Variants in PARD3B observed in about 807,000 individuals in gnomAD.
PARD3B encodes the protein partitioning defective 3 homolog B.
Under a neutral mutation model 130.2 loss-of-function variants are expected in PARD3B, and 103 were observed. The observed-to-expected ratio is 0.79, with a 90% CI of 0.67 to 0.93. The LOEUF is 0.93. Among genes scored for constraint, PARD3B ranks in the 40% least tolerant of loss-of-function variants. The probability of loss-of-function intolerance (pLI) is 0.00; values close to 1 mark genes in which losing one functional copy is unlikely to be tolerated. For synonymous variants in PARD3B, 583 were observed against 553.2 expected (o/e 1.05, Z -0.76); for missense variants, 1,609 against 1,499.2 (o/e 1.07, Z -1.21).
rs2055443261 is a variant in PARD3B, at chr2:205,616,541, C to T, written c.*728C>T. ...GGAGGATGTGCACAGCTGGTCAGAGCTTCCAGAAGGAATATCTTCCGAGGA... is the reference window on the plus strand; with the variant it reads ...GGAGGATGTGCACAGCTGGTCAGAGTTTCCAGAAGGAATATCTTCCGAGGA... On this transcript the variant is annotated 3_prime_UTR_variant, in exon 23 of 23. Coordinates refer to ENST00000406610, the MANE Select transcript of PARD3B (RefSeq NM_001302769.2). 6.6e-6 allele frequency: 1 copy of T among 152,188 alleles called. No individual in the cohort carries two copies. The highest frequency in any genetic ancestry group is 1.5e-5 in the Non-Finnish European group (1 of 68,060). The allele number at this position is 152,188 out of a possible 1,614,324, so 9.4% of individuals were successfully genotyped here. A position where few individuals can be genotyped will look rare whatever the true frequency, so the allele number is the denominator to read the frequency against.
intron 3 of PARD3B, among the ~76,000 whole-genome samples, chr2:205,018,166 G>T (rs188099905): frequency 6.6e-6 from 1 of 152,074 alleles, no homozygotes; most frequent in South Asian, 2.1e-4. Context: ...TACCTTTAGC[G>T]TAATCTTTCC....
chr2:205,098,843 A>G (rs1462269802), intron 4 of PARD3B, among the ~76,000 whole-genome samples: 1 of 152,198 alleles, frequency 6.6e-6, no homozygotes, highest in Non-Finnish European at 1.5e-5. Context: ...GACTAATTAT[A>G]GAAGTGTTGA....
Position 205,300,590 on chromosome 2 carries a change from G to C in PARD3B, c.2246G>C (p.Ser749Thr). Residue 749 changes from serine to threonine, a missense_variant, in exon 17 of 23, where the codon AGT becomes ACT. Transcript: ENST00000406610. This position sits in a 1 kb window ranked among gnomAD's most constrained non-coding sequence, Gnocchi z 4.1. ...LGLKKSSSLE[S>T]LQTAVAEVRK... ...TTGAAAAAGTCCAGCTCCTTGGAGAGTCTGCAGACTGCAGTGGCCGAGGTC... is the reference window on the plus strand; with the variant it reads ...TTGAAAAAGTCCAGCTCCTTGGAGACTCTGCAGACTGCAGTGGCCGAGGTC... 1.9e-6 allele frequency: 3 copies of C among 1,613,934 alleles called. No homozygotes were observed. The highest frequency in any genetic ancestry group is 1.1e-5 in the South Asian group (1 of 91,072).
Position 205,474,839 on chromosome 2 carries a change from T to G in PARD3B, c.3045-25057T>G, listed in dbSNP as rs532803059. The stretch of plus-strand genomic sequence containing the variant: ...CTTCCTTTACCCTTTACTAATTTGA[T>G]TCATGAAAAATAGTACTGTATCATT... On this transcript the variant is annotated intron_variant, in intron 20 of 22. Transcript: ENST00000406610. 1.4e-4 allele frequency among the ~76,000 whole-genome samples: 21 copies of G among 152,280 alleles called. 1 individual carries two copies. In the South Asian group the frequency reaches 4.4e-3, roughly 32 times the overall value.
chr2:205,614,890 G>A lies in PARD3B; in HGVS notation c.3261-566G>A, dbSNP rs182364868. On this transcript the variant is annotated intron_variant, in intron 22 of 22. Coordinates refer to ENST00000406610, the MANE Select transcript of PARD3B (RefSeq NM_001302769.2). ...GAGCACCTCACAGATTTAGAAAAGC[G>A]AGTGCAGTCCATGGAAACTTTATGA... Among the ~76,000 whole-genome samples, 585 of 152,118 alleles carry A rather than the reference G, an allele frequency of 3.8e-3. 6 individuals carry two copies. The highest frequency in any genetic ancestry group is 7.0e-3 in the Non-Finnish European group (475 of 68,008).
chr2:204,699,792 G>T (rs978889072), intron 2 of PARD3B, among the ~76,000 whole-genome samples: 2 of 152,058 alleles, frequency 1.3e-5, no homozygotes, highest in African/African-American at 4.8e-5. Context: ...TGGAAATAAG[G>T]AAGTTAAGTA....
chr2:205,025,972 A>G (rs1430251080), intron 3 of PARD3B, among the ~76,000 whole-genome samples: 1 of 152,126 alleles, frequency 6.6e-6, no homozygotes, highest in African/African-American at 2.4e-5. Context: ...TCCTTTTTGA[A>G]CTTAACAAAC....
At chr2:204,598,009 T>C (rs2033367119) in intron 1 of PARD3B, among the ~76,000 whole-genome samples, 1 of 152,168 alleles carries the variant, frequency 6.6e-6, no homozygotes, top group Admixed American at 6.5e-5. Flanking sequence ...GTAAGAGCAT[T>C]TTGGAAACAT....
At chr2:205,480,531 A>G (rs1371940593) in intron 20 of PARD3B, among the ~76,000 whole-genome samples, 1 of 152,164 alleles carries the variant, frequency 6.6e-6, no homozygotes, top group African/African-American at 2.4e-5. Flanking sequence ...AGGACCTTAT[A>G]TATCTTGTAT....
chr2:205,504,403 T>C (rs1305059985), intron 21 of PARD3B, among the ~76,000 whole-genome samples: 3 of 152,026 alleles, frequency 2.0e-5, no homozygotes, highest in Admixed American at 2.0e-4. Context: ...GGGATCTAAT[T>C]AAACTAAAGA....
intron 5 of PARD3B, among the ~76,000 whole-genome samples, chr2:205,108,110 T>C (rs965504632): frequency 2.6e-5 from 4 of 152,204 alleles, no homozygotes; most frequent in Admixed American, 6.5e-5. Context: ...TCTCAAAATA[T>C]GTGGGACATT....
chr2:205,149,792 G>A (rs2033619180), intron 10 of PARD3B, among the ~76,000 whole-genome samples: 1 of 152,214 alleles, frequency 6.6e-6, no homozygotes, highest in Admixed American at 6.5e-5. Flanking sequence ...ATTCAGGGCA[G>A]TAGTTCTTAA....
intron 2 of PARD3B, among the ~76,000 whole-genome samples, chr2:204,743,657 TC>T (rs1044037115): frequency 6.6e-6 from 1 of 152,194 alleles, no homozygotes; most frequent in African/African-American, 2.4e-5. Context: ...TCCCATAGCT[TC>T]CTGAGTGGCC....
Position 205,615,842 on chromosome 2 carries a change from A to T in PARD3B, c.*29A>T, listed in dbSNP as rs910747357. 6.4e-7 allele frequency: 1 copy of T among 1,563,310 alleles called. No individual in the cohort carries two copies. Among genetic ancestry groups the T allele is most frequent in the African/African-American group, 1.4e-5 (1 of 73,362 alleles). On this transcript the variant is annotated 3_prime_UTR_variant, in exon 23 of 23. Coordinates refer to ENST00000406610, the MANE Select transcript of PARD3B (RefSeq NM_001302769.2). ...AGTGCCACCGAGGCCAGCCCGGTCC[A>T]GAAAGGAAGGTGTCTACTCTACCTT...
chr2:205,206,862 C>T (rs1241872377), intron 15 of PARD3B, among the ~76,000 whole-genome samples: 4 of 150,426 alleles, frequency 2.7e-5, no homozygotes, highest in African/African-American at 4.9e-5. Context: ...CTGCACCAAG[C>T]GGACCTAATA....
chr2:205,050,776 T>G (rs115289666), intron 4 of PARD3B, among the ~76,000 whole-genome samples: 2,435 of 152,162 alleles, frequency 0.016, 41 homozygotes, highest in Non-Finnish European at 0.027. Flanking sequence ...TTATTCTGTT[T>G]TATTGGACAG....
intron 15 of PARD3B, among the ~76,000 whole-genome samples, chr2:205,213,995 A>G (rs1235681420): frequency 6.6e-6 from 1 of 152,096 alleles, no homozygotes; most frequent in African/African-American, 2.4e-5. Context: ...GGTAAATTAG[A>G]TCAAATTGTT....
rs971820174 is a variant in PARD3B, at chr2:205,458,458, A to G, written c.3044+17786A>G. On this transcript the variant is annotated intron_variant, in intron 20 of 22. Coordinates refer to ENST00000406610, the MANE Select transcript of PARD3B (RefSeq NM_001302769.2). This position sits in a 1 kb window ranked among gnomAD's most constrained non-coding sequence, Gnocchi z 4.8. ...TTTTGAGTTCTCTGTCTTCTGATTT[A>G]CTACTCTTGCCTGTGTGCTGTGTCC... 2.0e-5 allele frequency among the ~76,000 whole-genome samples: 3 copies of G among 151,992 alleles called. No individual in the cohort carries two copies. Among genetic ancestry groups the G allele is most frequent in the Non-Finnish European group, 4.4e-5 (3 of 68,022 alleles).
intron 4 of PARD3B, among the ~76,000 whole-genome samples, chr2:205,096,001 T>C (rs1702372147): frequency 6.6e-6 from 1 of 152,102 alleles, no homozygotes; most frequent in Non-Finnish European, 1.5e-5. Flanking sequence ...CAGGTATGCT[T>C]CATGCCATAG....
Sources: gnomAD v4.1 joint callset for allele counts (sites outside exome capture counted in the v4.1 genomes callset) on GRCh38, gnomAD v4.1.1 for gene constraint, Gnocchi (gnomAD v3.1) non-coding constraint, MANE v1.5 for transcripts, NCBI Gene and HGNC (gene_info 2026-07-23, HGNC 2026-07-21) for gene names.